Variants in PCSK5 observed in about 807,000 individuals in gnomAD.
PCSK5 encodes the protein prohormone convertase 5.
PCSK5 carries 129 observed loss-of-function variants against 233.2 expected under a neutral mutation model. That is an observed-to-expected ratio of 0.55 (90% CI 0.48 to 0.64). PCSK5 has a LOEUF of 0.64. Among genes scored for constraint, PCSK5 ranks in the 30% least tolerant of loss-of-function variants. The probability of loss-of-function intolerance (pLI) is 0.00; values close to 1 mark genes in which losing one functional copy is unlikely to be tolerated. For synonymous variants in PCSK5, 825 were observed against 879.2 expected (o/e 0.94, Z 1.09); for missense variants, 2,076 against 2,430.1 (o/e 0.85, Z 3.06).
At chr9:76,240,571 A>C in intron 23 of PCSK5, 45 bp from the exon 24 acceptor site, 1 of 1,301,794 alleles carries the variant, frequency 7.7e-7, no homozygotes, top group Non-Finnish European at 1.1e-6. Flanking sequence ...ACGTGTCTCC[A>C]CTCAATGGAA....
chr9:76,229,976 A>T (rs1826024163), intron 21 of PCSK5, among the ~76,000 whole-genome samples: 1 of 152,214 alleles, frequency 6.6e-6, no homozygotes, highest in Non-Finnish European at 1.5e-5. Context: ...GAATCCATGA[A>T]TTGGATGACT....
At chr9:76,020,847 A>G (rs1828154551) in intron 3 of PCSK5, among the ~76,000 whole-genome samples, 1 of 152,066 alleles carries the variant, frequency 6.6e-6, no homozygotes, top group Admixed American at 6.5e-5. Flanking sequence ...CCTCCGGCCC[A>G]CCTCTTGGCC....
intron 10 of PCSK5, 121 bp downstream of exon 10, chr9:76,134,333 G>GATCA: frequency 1.7e-6 from 1 of 585,460 alleles, no homozygotes; most frequent in Non-Finnish European, 2.9e-6. Context: ...GACAAACAAA[G>GATCA]AGCTTGATCT....
chr9:76,033,505 A>G (rs1336808699), intron 5 of PCSK5, among the ~76,000 whole-genome samples: 1 of 152,156 alleles, frequency 6.6e-6, no homozygotes, highest in Non-Finnish European at 1.5e-5. Context: ...ATGATTATCA[A>G]ATGAATTTAC....
chr9:76,176,171 A>G (rs1823606465), intron 14 of PCSK5, among the ~76,000 whole-genome samples: 1 of 152,140 alleles, frequency 6.6e-6, no homozygotes. Context: ...ATTCATCTGG[A>G]ACTCATTTTG....
chr9:76,156,837 C>T (rs17785192), intron 10 of PCSK5, among the ~76,000 whole-genome samples: 21,909 of 152,132 alleles, frequency 0.14, 1,877 homozygotes, highest in East Asian at 0.32. Context: ...AGGCATATTA[C>T]TGGTAGTGAT....
intron 2 of PCSK5, among the ~76,000 whole-genome samples, chr9:75,971,085 C>T (rs1166797132): frequency 6.6e-6 from 1 of 151,460 alleles, no homozygotes; most frequent in African/African-American, 2.4e-5. Context: ...CCTTCTGCTC[C>T]CACCCCCACC....
chr9:76,235,526 A>G (rs1826226285), intron 22 of PCSK5, among the ~76,000 whole-genome samples: 1 of 152,184 alleles, frequency 6.6e-6, no homozygotes, highest in Non-Finnish European at 1.5e-5. Context: ...TATCTTAAAC[A>G]TTTATTGCAT....
intron 12 of PCSK5, among the ~76,000 whole-genome samples, chr9:76,165,739 A>C (rs1823059706): frequency 6.6e-6 from 1 of 152,238 alleles, no homozygotes; most frequent in South Asian, 2.1e-4. Context: ...TAATGTACTT[A>C]GGCTTTCAGC....
intron 10 of PCSK5, among the ~76,000 whole-genome samples, chr9:76,151,434 G>A (rs926209159): frequency 6.6e-6 from 1 of 152,180 alleles, no homozygotes; most frequent in South Asian, 2.1e-4. Flanking sequence ...TTCTCCTGCA[G>A]TCTGGTCTCA....
At chr9:75,968,215 G>T (rs371443028) in intron 2 of PCSK5, among the ~76,000 whole-genome samples, 6 of 152,200 alleles carry the variant, frequency 3.9e-5, no homozygotes, top group Non-Finnish European at 7.3e-5. Flanking sequence ...GTGTTGAATC[G>T]AGTTGATTTG....
rs1389841372 is a variant in PCSK5, at chr9:76,184,642, C to T, written c.2198-31C>T. Reference sequence around the variant, plus strand: ...GCTTTTATGGAATCCAATTGACCAACTGATTTACAACTTTCTCTTTTTTTT... The same window carrying T: ...GCTTTTATGGAATCCAATTGACCAATTGATTTACAACTTTCTCTTTTTTTT... On this transcript the variant is annotated intron_variant, in intron 16 of 37. Transcript: ENST00000674117. The T allele has an allele frequency of 2.8e-6, 4 of 1,453,070 alleles. No individual in the cohort carries two copies. The Admixed American group carries it at 5.1e-5, about 18-fold the overall frequency. 90.0% of individuals were successfully genotyped at this position (1,453,070 alleles called of 1,614,324 possible).
At chr9:76,294,443 A>G (rs952076324) in intron 25 of PCSK5, among the ~76,000 whole-genome samples, 1 of 152,216 alleles carries the variant, frequency 6.6e-6, no homozygotes, top group African/African-American at 2.4e-5. Flanking sequence ...ATCTGGTTAC[A>G]GACATTTTAG....
At chr9:76,184,387 G>GAAAAAAA (rs11397439) in intron 16 of PCSK5, among the ~76,000 whole-genome samples, 1 of 149,344 alleles carries the variant, frequency 6.7e-6, no homozygotes, top group Non-Finnish European at 1.5e-5. Context: ...GGAAGAAGAA[G>GAAAAAAA]AAAAAAAAAA....
chr9:76,272,610 C>T (rs1827551066), intron 24 of PCSK5, among the ~76,000 whole-genome samples: 1 of 151,208 alleles, frequency 6.6e-6, no homozygotes, highest in Non-Finnish European at 1.5e-5. Context: ...CCCATCTCTA[C>T]TAAAATACAA....
At chr9:76,088,226 A>G (rs1026052444) in intron 7 of PCSK5, among the ~76,000 whole-genome samples, 7 of 152,210 alleles carry the variant, frequency 4.6e-5, no homozygotes. Flanking sequence ...AGTGCTGGAC[A>G]TCAGCAGGTG....
At chr9:76,061,628 T>C (rs956663851) in intron 5 of PCSK5, among the ~76,000 whole-genome samples, 8 of 152,154 alleles carry the variant, frequency 5.3e-5, no homozygotes, top group Admixed American at 5.2e-4. Context: ...GAGCTTGGAG[T>C]TTCCAAAATA....
intron 24 of PCSK5, among the ~76,000 whole-genome samples, chr9:76,277,325 C>T (rs902700546): frequency 3.3e-5 from 5 of 152,146 alleles, no homozygotes; most frequent in African/African-American, 4.8e-5. Context: ...GAATGTACAG[C>T]GTTAGTGAGT....
intron 9 of PCSK5, among the ~76,000 whole-genome samples, chr9:76,109,293 G>T (rs1832107250): frequency 6.6e-6 from 1 of 152,046 alleles, no homozygotes; most frequent in Non-Finnish European, 1.5e-5. Flanking sequence ...AATATTAAAA[G>T]AAAAAACATT....
Sources: allele counts gnomAD v4.1 joint callset (sites outside exome capture counted in the v4.1 genomes callset), GRCh38; gene constraint gnomAD v4.1.1; transcripts MANE v1.5; gene names NCBI Gene and HGNC (gene_info 2026-07-23, HGNC 2026-07-21).